The following PCDH9 variants were observed in gnomAD, a reference collection of about 807,000 sequenced individuals.
The protein encoded by PCDH9 is protocadherin-9.
A neutral mutation model predicts 70.6 loss-of-function variants in PCDH9; 24 were observed. The ratio of observed to expected loss-of-function variants is 0.34; its 90% CI spans 0.25 to 0.48. The LOEUF (loss-of-function observed/expected upper bound fraction) is 0.48. Ranked by LOEUF, PCDH9 falls within the 20% of genes least tolerant of loss-of-function variation. The probability of loss-of-function intolerance (pLI) is 0.99; values close to 1 mark genes in which losing one functional copy is unlikely to be tolerated. For missense variants in PCDH9, 1,281 were observed against 1,503.6 expected (o/e 0.85, Z 2.45); for synonymous variants, 562 against 558.5 (o/e 1.01, Z -0.09).
rs1555272303 is a variant in PCDH9 at position 66,822,136 on chromosome 13, G to GCGCA, written c.3138+81367_3138+81368insTGCG. The stretch of plus-strand genomic sequence containing the variant: ...AATAAGGTTGACCCATCACACACGC[G>GCGCA]CACACACACACACACACACACACTC... On this transcript the variant is annotated intron_variant, in intron 3 of 4. Transcript: ENST00000377865. Among the ~76,000 whole-genome samples, 799 of 149,258 alleles carry GCGCA rather than the reference G, an allele frequency of 5.4e-3. 6 individuals carry two copies. Among genetic ancestry groups the GCGCA allele is most frequent in the Middle Eastern group, 0.021 (6 of 290 alleles).
intron 3 of PCDH9, among the ~76,000 whole-genome samples, chr13:66,640,846 A>G (rs1261823274): frequency 6.6e-6 from 1 of 152,056 alleles, no homozygotes; most frequent in Non-Finnish European, 1.5e-5. Context: ...TGTGTCACAC[A>G]ATGCAGTTTT....
At chr13:66,630,175 G>T (rs577476118) in intron 4 of PCDH9, among the ~76,000 whole-genome samples, 1 of 152,138 alleles carries the variant, frequency 6.6e-6, no homozygotes, top group East Asian at 1.9e-4. Context: ...GCCCTGCTTA[G>T]TTTAGATGCA....
chr13:66,563,905 T>C (rs908549714), intron 4 of PCDH9, among the ~76,000 whole-genome samples: 7 of 152,158 alleles, frequency 4.6e-5, no homozygotes, highest in African/African-American at 1.7e-4. Context: ...AACTGAAATA[T>C]TGTTATTATT....
chr13:66,941,402 G>A (rs1054427848), intron 2 of PCDH9, among the ~76,000 whole-genome samples: 14 of 151,768 alleles, frequency 9.2e-5, no homozygotes, highest in Admixed American at 8.5e-4. Flanking sequence ...TATATCTAAT[G>A]TTATAAAGAA....
chr13:66,610,657 T>G (rs1315016012), intron 4 of PCDH9, among the ~76,000 whole-genome samples: 1 of 152,182 alleles, frequency 6.6e-6, no homozygotes, highest in Non-Finnish European at 1.5e-5. Context: ...TAGGAGAGAT[T>G]ACTGAAGAGT....
intron 4 of PCDH9, among the ~76,000 whole-genome samples, chr13:66,606,603 C>T (rs2138858870): frequency 6.6e-6 from 1 of 152,192 alleles, no homozygotes; most frequent in South Asian, 2.1e-4. Context: ...TTGCCAGACA[C>T]AATAGAATGC....
intron 2 of PCDH9, among the ~76,000 whole-genome samples, chr13:67,165,818 G>C (rs536530615): frequency 2.0e-5 from 3 of 152,000 alleles, no homozygotes; most frequent in Admixed American, 1.3e-4. Flanking sequence ...ATTTTAAGAC[G>C]CATGGACATT....
chr13:67,012,065 T>C (rs1204416785), intron 2 of PCDH9, among the ~76,000 whole-genome samples: 1 of 151,934 alleles, frequency 6.6e-6, no homozygotes, highest in Non-Finnish European at 1.5e-5. Flanking sequence ...TTCCTTTTCT[T>C]CACTTGCTTC....
chr13:67,167,084 T>C (rs2088138859), intron 2 of PCDH9, among the ~76,000 whole-genome samples: 1 of 152,232 alleles, frequency 6.6e-6, no homozygotes. Flanking sequence ...TTTAAGTCAC[T>C]GGTTCAACTT....
intron 3 of PCDH9, among the ~76,000 whole-genome samples, chr13:66,722,950 A>G (rs1465428977): frequency 4.0e-5 from 6 of 149,264 alleles, no homozygotes; most frequent in Non-Finnish European, 5.9e-5. Context: ...CCTGAGCATC[A>G]GAGCCAGACT....
At chr13:67,061,554 A>G (rs923223861) in intron 2 of PCDH9, among the ~76,000 whole-genome samples, 7 of 152,140 alleles carry the variant, frequency 4.6e-5, no homozygotes, top group Non-Finnish European at 1.0e-4. Flanking sequence ...GTTTAAAAAT[A>G]CATGTCCTTT....
At chr13:66,500,500 T>C (rs55851951) in intron 4 of PCDH9, among the ~76,000 whole-genome samples, 2,278 of 152,240 alleles carry the variant, frequency 0.015, 23 homozygotes, top group Non-Finnish European at 0.024. Flanking sequence ...TAAGTTTTTT[T>C]GTTTGTTTGT....
At chr13:66,548,115 T>C (rs931964052) in intron 4 of PCDH9, among the ~76,000 whole-genome samples, 44 of 151,870 alleles carry the variant, frequency 2.9e-4, no homozygotes, top group African/African-American at 1.0e-3. Flanking sequence ...TAAGTTGTGG[T>C]ATGCCAAAAC....
intron 4 of PCDH9, among the ~76,000 whole-genome samples, chr13:66,336,610 G>A (rs1484443130): frequency 2.0e-5 from 3 of 152,042 alleles, no homozygotes; most frequent in Non-Finnish European, 2.9e-5. Context: ...TAATTTTATT[G>A]TAGGTTTATG....
chr13:66,538,778 T>C (rs763903474), intron 4 of PCDH9, among the ~76,000 whole-genome samples: 1 of 152,138 alleles, frequency 6.6e-6, no homozygotes, highest in Non-Finnish European at 1.5e-5. Context: ...GCCTAGCCAA[T>C]TGACACATAA....
At chr13:66,720,521 T>C (rs1252806338) in intron 3 of PCDH9, among the ~76,000 whole-genome samples, 1 of 151,876 alleles carries the variant, frequency 6.6e-6, no homozygotes, top group Non-Finnish European at 1.5e-5. Context: ...ATAAAGAAAA[T>C]GTTTATTTTG....
At chr13:67,199,606 A>G (rs1418716538) in intron 2 of PCDH9, among the ~76,000 whole-genome samples, 3 of 152,064 alleles carry the variant, frequency 2.0e-5, no homozygotes, top group African/African-American at 7.2e-5. Flanking sequence ...AAAAAATATT[A>G]AAGGATAAAG....
intron 3 of PCDH9, among the ~76,000 whole-genome samples, chr13:66,794,880 ATAAAGT>A (rs1171859898): frequency 8.6e-5 from 13 of 151,982 alleles, no homozygotes; most frequent in Admixed American, 4.6e-4. Context: ...TCTTTAATAA[ATAAAGT>A]TAAAGTGAAT....
chr13:66,427,496 A>T (rs1297287973), intron 4 of PCDH9, among the ~76,000 whole-genome samples: 2 of 151,776 alleles, frequency 1.3e-5, no homozygotes, highest in Admixed American at 1.3e-4. Flanking sequence ...GTTTTGTGTT[A>T]GTTCAAGATA....
Sources: gnomAD v4.1 joint callset for allele counts (sites outside exome capture counted in the v4.1 genomes callset) on GRCh38, gnomAD v4.1.1 for gene constraint, MANE v1.5 for transcripts, NCBI Gene and HGNC (gene_info 2026-07-23, HGNC 2026-07-21) for gene names.